Variants in LNX2 observed in about 807,000 individuals in gnomAD.
LNX2 encodes the protein ligand of Numb protein X 2.
Under a neutral mutation model 66.2 loss-of-function variants are expected in LNX2, and 35 were observed. That is an observed-to-expected ratio of 0.53 (90% confidence interval 0.40 to 0.70). The LOEUF (loss-of-function observed/expected upper bound fraction) is 0.70. Among genes scored for constraint, LNX2 ranks in the 30% least tolerant of loss-of-function variants. The pLI is 0.00. For synonymous variants in LNX2, 337 were observed against 315.6 expected, an observed-to-expected ratio of 1.07 and a Z score of -0.72; for missense variants, 791 against 850.8, an observed-to-expected ratio of 0.93 and a Z score of 0.87.
At chr13:27,587,661 G>T (rs1955502547) in intron 1 of LNX2, among the ~76,000 whole-genome samples, 1 of 152,144 alleles carries the variant, frequency 6.6e-6, no homozygotes, top group Non-Finnish European at 1.5e-5. Flanking sequence ...TCCTTACTTG[G>T]TATCAACACA....
Position 27,569,072 on chromosome 13 carries a change from A to G in LNX2, c.612T>C (p.Pro204=). The part of the protein sequence containing the change: ...SASLSTWSEE[P]GLDNPAFEES... The stretch of plus-strand genomic sequence containing the variant: ...CCTCAAAGGCAGGGTTGTCAAGGCC[A>G]GGCTCCTCACTCCATGTGGAAAGAG... Residue 204 remains proline (P), a synonymous_variant, in exon 3 of 10, where the codon CCT becomes CCC. Transcript: ENST00000316334. The G allele has an allele frequency of 2.5e-6, 4 of 1,613,898 alleles. No homozygotes were observed. Among genetic ancestry groups the G allele is most frequent in the Non-Finnish European group, 3.4e-6 (4 of 1,179,888 alleles).
chr13:27,552,169 C>T (rs1371122329), intron 8 of LNX2, among the ~76,000 whole-genome samples: 4 of 152,210 alleles, frequency 2.6e-5, no homozygotes, highest in Admixed American at 2.0e-4. Flanking sequence ...AATGTGCCAA[C>T]CTCCAAACTA....
chr13:27,574,883 A>G (rs1955326125), intron 2 of LNX2, among the ~76,000 whole-genome samples: 1 of 152,194 alleles, frequency 6.6e-6, no homozygotes, highest in Non-Finnish European at 1.5e-5. Context: ...AACCATGGAG[A>G]CTAGAAGGCA....
chr13:27,587,783 A>G (rs1955504135), intron 1 of LNX2, among the ~76,000 whole-genome samples: 1 of 152,036 alleles, frequency 6.6e-6, no homozygotes, highest in Admixed American at 6.5e-5. Context: ...GCACTTTGGG[A>G]GGCCAAGGCG....
At chr13:27,574,802 A>G (rs1165881059) in intron 2 of LNX2, among the ~76,000 whole-genome samples, 1 of 152,206 alleles carries the variant, frequency 6.6e-6, no homozygotes, top group Non-Finnish European at 1.5e-5. Flanking sequence ...AGGAATCTTG[A>G]AAACAGTAAG....
Position 27,560,002 on chromosome 13 carries a change from T to A in LNX2, c.1225-17A>T. On this transcript the variant is annotated splice_polypyrimidine_tract_variant and intron_variant, in intron 5 of 9. Transcript: ENST00000316334. Reference sequence around the variant, plus strand: ...TCCACTGGCCTGGAGAAAACACAAATACATTACCATAAGTGACTAATGATG... The same window carrying A: ...TCCACTGGCCTGGAGAAAACACAAAAACATTACCATAAGTGACTAATGATG... The A allele has an allele frequency of 6.4e-7, 1 of 1,574,178 alleles. No homozygotes were observed. Among genetic ancestry groups the A allele is most frequent in the Admixed American group, 1.9e-5 (1 of 54,048 alleles).
At chr13:27,579,334 T>A (rs1465935245) in intron 2 of LNX2, among the ~76,000 whole-genome samples, 1 of 152,188 alleles carries the variant, frequency 6.6e-6, no homozygotes, top group Non-Finnish European at 1.5e-5. Context: ...TACTCAGTAA[T>A]CACTCTTAGC....
In LNX2 at chr13:27,559,842, C is replaced by G; in HGVS notation, c.1368G>C (p.Lys456Asn). The change falls in exon 6 of 10, where the codon AAG (lysine) becomes AAC (asparagine). Residue 456 changes from lysine (K) to asparagine (N), a missense_variant and splice_region_variant. Transcript: ENST00000316334. ...CATAAAAAAAAAAAAAAATCCTCAC[C>G]TTATGTGAGCTTGGTCTGCTATAAT... ...PPYYSRPSSH[K>N]DLTQCVTCQE... 1 of 1,546,828 alleles carries G rather than the reference C, an allele frequency of 6.5e-7. No individual in the cohort carries two copies. The highest frequency in any genetic ancestry group is 8.7e-7 in the Non-Finnish European group (1 of 1,144,808).
At position 27,583,201 on chromosome 13, in the gene LNX2, T is replaced by TGCGCGCGC. The variant is rs1566124631; in HGVS notation, c.-100-1399_-100-1398insGCGCGCGC. On this transcript the variant is annotated intron_variant, in intron 1 of 9. Coordinates refer to ENST00000316334, the MANE Select transcript of LNX2 (RefSeq NM_153371.4). ...GTGTGTGTGTGTGTGTGTGTGTGTG[T>TGCGCGCGC]GTGTGTGTGTGTGTGTGTGTGTGTG... 4.6e-3 allele frequency among the ~76,000 whole-genome samples: 65 copies of TGCGCGCGC among 14,024 alleles called. 6 individuals are homozygous for TGCGCGCGC. Among genetic ancestry groups the TGCGCGCGC allele is most frequent in the African/African-American group, 0.013 (53 of 4,240 alleles). The allele number at this position is 14,024 out of a possible 152,430, so 9.2% of individuals were successfully genotyped here. A position where few individuals can be genotyped will look rare whatever the true frequency, so the allele number is the denominator to read the frequency against.
At chr13:27,584,830 C>T (rs556292013) in intron 1 of LNX2, among the ~76,000 whole-genome samples, 1 of 152,202 alleles carries the variant, frequency 6.6e-6, no homozygotes, top group East Asian at 1.9e-4. Flanking sequence ...AAAATAATAC[C>T]AGCAAGGCTG....
intron 1 of LNX2, among the ~76,000 whole-genome samples, chr13:27,590,966 G>C (rs1955540570): frequency 1.3e-5 from 2 of 151,090 alleles, no homozygotes; most frequent in Admixed American, 1.3e-4. Flanking sequence ...GTATTATAAA[G>C]TGTATATATA....
chr13:27,567,565 G>A, intron 4 of LNX2, 75 bp downstream of exon 4: 1 of 1,265,880 alleles, frequency 7.9e-7, no homozygotes, highest in South Asian at 1.3e-5. Flanking sequence ...TTCCAAAACA[G>A]CACAATTTTC....
At chr13:27,603,972 A>G (rs78143617) in intron 1 of LNX2, among the ~76,000 whole-genome samples, 1 of 148,386 alleles carries the variant, frequency 6.7e-6, no homozygotes, top group Non-Finnish European at 1.5e-5. Context: ...AAAAAAAAAA[A>G]GGCCGGGCAC....
chr13:27,556,396 A>AAC lies in LNX2; in HGVS notation c.1384_1385dup (p.Thr463LeufsTer10). The AAC allele has an allele frequency of 6.2e-7, 1 of 1,613,878 alleles. No individual in the cohort carries two copies. Among genetic ancestry groups the AAC allele is most frequent in the Non-Finnish European group, 8.5e-7 (1 of 1,179,870 alleles). The stretch of plus-strand genomic sequence containing the variant: ...CAGTAATGTGTTTTTCTTGGCATGT[A>AAC]ACACACTGAGTAAGATCCTAAAACA... On this transcript the variant is annotated frameshift_variant, in exon 7 of 10. Transcript: ENST00000316334. LOFTEE classifies it high-confidence loss of function.
At chr13:27,567,996 CTGT>C (rs1955227318) in intron 3 of LNX2, among the ~76,000 whole-genome samples, 157 bp from the exon 4 acceptor site, 2 of 152,168 alleles carry the variant, frequency 1.3e-5, no homozygotes. Context: ...GACAAAATAT[CTGT>C]TGTTAAGATT....
In LNX2 at chr13:27,556,233, T is replaced by TAC; in HGVS notation, c.1546+1_1546+2dup. The stretch of plus-strand genomic sequence containing the variant: ...GGTAAAATTTTTCAAGATCCCATCT[T>TAC]ACCTCTCTTTATTCTGCCATCTCGT... On this transcript the variant is annotated splice_region_variant and intron_variant, in intron 7 of 9. Transcript: ENST00000316334. 6.2e-7 allele frequency: 1 copy of TAC among 1,611,786 alleles called. No individual in the cohort carries two copies. Among genetic ancestry groups the TAC allele is most frequent in the Non-Finnish European group, 8.5e-7 (1 of 1,179,124 alleles).
In LNX2 at chr13:27,548,185, T is replaced by A. The variant is rs1954965038; in HGVS notation, c.*150A>T. On this transcript the variant is annotated 3_prime_UTR_variant, in exon 10 of 10. Transcript: ENST00000316334. ...TAACTAACTTAGGAAACCATTTAAA[T>A]AAACATAAACGGACAATCTTAGTGG... 9.5e-6 allele frequency: 6 copies of A among 631,404 alleles called. No homozygotes were observed. In the South Asian group the frequency reaches 1.1e-4, roughly 12 times the overall value. The allele number at this position is 631,404 out of a possible 1,614,324, so 39.1% of individuals were successfully genotyped here.
At chr13:27,602,115 CA>C (rs895090105) in intron 1 of LNX2, among the ~76,000 whole-genome samples, 5 of 150,622 alleles carry the variant, frequency 3.3e-5, no homozygotes, top group African/African-American at 1.2e-4. Context: ...AATTTAAATA[CA>C]AAAAAAATGT....
rs958490888 is a variant in LNX2 at position 27,550,212 on chromosome 13, C to A, written c.1937+121G>T. 6.3e-6 allele frequency: 5 copies of A among 799,086 alleles called. No individual in the cohort carries two copies. The African/African-American group carries it at 6.9e-5, about 11-fold the overall frequency. 49.5% of individuals were successfully genotyped at this position (799,086 alleles called of 1,614,324 possible). A position where few individuals can be genotyped will look rare whatever the true frequency, so the allele number is the denominator to read the frequency against. ...TAAACCAGTAAGTGTAGCTGCACTG[C>A]AATGAAACTTTATTTTCAAAAAGAT... is the stretch of plus-strand genomic sequence containing the variant. On this transcript the variant is annotated intron_variant, in intron 9 of 9. Transcript: ENST00000316334.
Sources: allele counts gnomAD v4.1 joint callset (sites outside exome capture counted in the v4.1 genomes callset), GRCh38; gene constraint gnomAD v4.1.1; transcripts MANE v1.5; gene names NCBI Gene and HGNC (gene_info 2026-07-23, HGNC 2026-07-21).